CACNA2D2: variants seen among roughly 807,000 people sequenced by gnomAD.
The protein encoded by CACNA2D2 is voltage-dependent calcium channel subunit alpha-2/delta-2.
In CACNA2D2, 48 loss-of-function variants were observed where a neutral mutation model predicts 166.4. The ratio of observed to expected loss-of-function variants is 0.29; its 90% CI spans 0.23 to 0.37. CACNA2D2 has a LOEUF of 0.37. Ranked by LOEUF, CACNA2D2 falls within the 10% of genes least tolerant of loss-of-function variation. The pLI is 1.00. For missense variants in CACNA2D2, 1,122 were observed against 1,433.0 expected (o/e 0.78, Z 3.50); for synonymous variants, 561 against 573.7 (o/e 0.98, Z 0.32).
intron 3 of CACNA2D2, among the ~76,000 whole-genome samples, chr3:50,410,963 A>G (rs1421669903): frequency 6.6e-6 from 1 of 152,240 alleles, no homozygotes; most frequent in Non-Finnish European, 1.5e-5. Context: ...GCTCAGGCAC[A>G]CGTGCATATG....
chr3:50,468,196 G>A lies in CACNA2D2; in HGVS notation c.288+7922C>T, dbSNP rs1033412245. 2.6e-5 allele frequency among the ~76,000 whole-genome samples: 4 copies of A among 152,144 alleles called. No homozygotes were observed. In the South Asian group the frequency reaches 6.2e-4, roughly 24 times the overall value. On this transcript the variant is annotated intron_variant, in intron 2 of 37. Transcript: ENST00000424201. ...CCCTCGAACATTCAGACCAGCCTCC[G>A]GCTCTGGACATGGCAGCTCTGTCCC... is the stretch of plus-strand genomic sequence containing the variant.
At chr3:50,422,838 T>C (rs1442475627) in intron 3 of CACNA2D2, among the ~76,000 whole-genome samples, 1 of 152,198 alleles carries the variant, frequency 6.6e-6, no homozygotes, top group Non-Finnish European at 1.5e-5. Flanking sequence ...CCTCACAGAC[T>C]CATTTCTGGA....
Position 50,367,716 on chromosome 3 carries a change from AG to A in CACNA2D2, c.2235-13del, listed in dbSNP as rs1164187192. 1.9e-6 allele frequency: 3 copies of A among 1,611,924 alleles called. No individual in the cohort carries two copies. The highest frequency in any genetic ancestry group is 1.7e-6 in the Non-Finnish European group (2 of 1,178,746). On this transcript the variant is annotated splice_polypyrimidine_tract_variant and intron_variant, in intron 25 of 37. Coordinates refer to ENST00000424201, the MANE Select transcript of CACNA2D2 (RefSeq NM_006030.4). This position sits in a 1 kb window ranked among gnomAD's most constrained non-coding sequence, Gnocchi z 6.5. ...CCAGTAGGCTGTACCTGGGGGTAGC[AG>A]GGGGGTGGGGTCACAGGCCTGCCTT...
At chr3:50,412,758 G>A (rs1322738867) in intron 3 of CACNA2D2, among the ~76,000 whole-genome samples, 1 of 152,216 alleles carries the variant, frequency 6.6e-6, no homozygotes, top group African/African-American at 2.4e-5. Context: ...GAAGTAAAAG[G>A]GGAAAACAGT....
chr3:50,500,867 C>T (rs1162640980), intron 1 of CACNA2D2, among the ~76,000 whole-genome samples: 4 of 151,918 alleles, frequency 2.6e-5, no homozygotes, highest in Non-Finnish European at 4.4e-5. Context: ...GGCAGAGAGC[C>T]ATGCTGCCAG....
chr3:50,379,262 C>T lies in CACNA2D2; in HGVS notation c.1153-63G>A. 2.7e-6 allele frequency: 4 copies of T among 1,491,832 alleles called. No homozygotes were observed. Among genetic ancestry groups the T allele is most frequent in the Middle Eastern group, 3.4e-4 (2 of 5,812 alleles). The allele number at this position is 1,491,832 out of a possible 1,614,324, so 92.4% of individuals were successfully genotyped here. ...CTCCCTGGTCCAGGGGCAGGGCCTCCCTCCCGCAGTGGGCCTGGACCTCTG... is the reference window on the plus strand; with the variant it reads ...CTCCCTGGTCCAGGGGCAGGGCCTCTCTCCCGCAGTGGGCCTGGACCTCTG... On this transcript the variant is annotated intron_variant, in intron 11 of 37. Transcript: ENST00000424201. This position sits in a 1 kb window ranked among gnomAD's most constrained non-coding sequence, Gnocchi z 6.5.
chr3:50,428,740 G>A (rs1707919117), intron 3 of CACNA2D2, among the ~76,000 whole-genome samples: 1 of 152,134 alleles, frequency 6.6e-6, no homozygotes, highest in African/African-American at 2.4e-5. Context: ...GAAACTGAGG[G>A]GGCAGGGACT....
intron 1 of CACNA2D2, among the ~76,000 whole-genome samples, chr3:50,501,670 A>G (rs1308130052): frequency 6.6e-6 from 1 of 152,086 alleles, no homozygotes; most frequent in Admixed American, 6.5e-5. Flanking sequence ...ATCCACTTAA[A>G]CCTTCACTCA....
chr3:50,481,989 T>C (rs1034775451), intron 1 of CACNA2D2, among the ~76,000 whole-genome samples: 1 of 152,044 alleles, frequency 6.6e-6, no homozygotes, highest in Non-Finnish European at 1.5e-5. Context: ...AGCGAGACTG[T>C]CTCAAAAAAT....
intron 1 of CACNA2D2, among the ~76,000 whole-genome samples, chr3:50,482,336 TG>T (rs1435635673): frequency 1.3e-5 from 2 of 152,160 alleles, no homozygotes; most frequent in African/African-American, 4.8e-5. Context: ...ACCACTCGGG[TG>T]GATGTCCCTC....
chr3:50,365,189 G>C lies in CACNA2D2; in HGVS notation c.3099-5C>G. ...AGTCTCTGCGCGTGGAACAGCCTGC[G>C]GGCAGCCCGGAAAGGCGGGGCGTTG... On this transcript the variant is annotated splice_region_variant and splice_polypyrimidine_tract_variant and intron_variant, in intron 35 of 37. Coordinates refer to ENST00000424201, the MANE Select transcript of CACNA2D2 (RefSeq NM_006030.4). The surrounding 1 kb of genome is among the most constrained non-coding windows in gnomAD (Gnocchi z 4.5). 6.2e-7 allele frequency: 1 copy of C among 1,611,664 alleles called. No individual in the cohort carries two copies.
At chr3:50,467,753 T>A (rs951090824) in intron 2 of CACNA2D2, among the ~76,000 whole-genome samples, 10 of 152,152 alleles carry the variant, frequency 6.6e-5, no homozygotes, top group Non-Finnish European at 1.5e-4. Context: ...CCCCTCTCCA[T>A]GGAGCAGGCC....
chr3:50,499,321 G>C (rs1656047522), intron 1 of CACNA2D2, among the ~76,000 whole-genome samples: 1 of 152,208 alleles, frequency 6.6e-6, no homozygotes, highest in Non-Finnish European at 1.5e-5. Context: ...GGGAGCCCTG[G>C]AGACTGGTGG....
chr3:50,372,531 G>C (rs1408136428), intron 22 of CACNA2D2, among the ~76,000 whole-genome samples: 1 of 152,146 alleles, frequency 6.6e-6, no homozygotes, highest in African/African-American at 2.4e-5. Context: ...TGAGGCTTCT[G>C]AGCCTTCTGC....
In CACNA2D2 at chr3:50,366,991, C is replaced by T. The variant is rs374751004; in HGVS notation, c.2500+20G>A. The stretch of plus-strand genomic sequence containing the variant: ...ACCCTGTCCATTGCCTGTTTCCCCA[C>T]CTCTGTCCCAAACATTCACCTGCTG... On this transcript the variant is annotated intron_variant, in intron 28 of 37. Transcript: ENST00000424201. This position sits in a 1 kb window ranked among gnomAD's most constrained non-coding sequence, Gnocchi z 5.9. 24 of 1,613,514 alleles carry T rather than the reference C, an allele frequency of 1.5e-5. No homozygotes were observed. Among genetic ancestry groups the T allele is most frequent in the African/African-American group, 2.7e-5 (2 of 75,052 alleles).
intron 3 of CACNA2D2, among the ~76,000 whole-genome samples, chr3:50,423,929 C>T (rs559304783): frequency 6.6e-6 from 1 of 152,376 alleles, no homozygotes; most frequent in South Asian, 2.1e-4. Context: ...ACACACGGGG[C>T]GGAGCTAAAG....
At chr3:50,425,573 T>G (rs1707770100) in intron 3 of CACNA2D2, among the ~76,000 whole-genome samples, 1 of 152,130 alleles carries the variant, frequency 6.6e-6, no homozygotes. Context: ...ACACCAGGAT[T>G]TCAGAACGAA....
chr3:50,444,014 A>G (rs1310933202), intron 2 of CACNA2D2, among the ~76,000 whole-genome samples: 1 of 152,170 alleles, frequency 6.6e-6, no homozygotes, highest in Non-Finnish European at 1.5e-5. Flanking sequence ...ATTCACCCCC[A>G]TAAGTACCCT....
At chr3:50,424,802 A>G (rs933999772) in intron 3 of CACNA2D2, among the ~76,000 whole-genome samples, 2 of 152,156 alleles carry the variant, frequency 1.3e-5, no homozygotes, top group African/African-American at 4.8e-5. Flanking sequence ...CTCTTCCAGG[A>G]AAACCTCAGG....
Sources: gnomAD v4.1 joint callset for allele counts (sites outside exome capture counted in the v4.1 genomes callset) on GRCh38, gnomAD v4.1.1 for gene constraint, Gnocchi (gnomAD v3.1) non-coding constraint, MANE v1.5 for transcripts, NCBI Gene and HGNC (gene_info 2026-07-23, HGNC 2026-07-21) for gene names.